Variants in ASTN1 observed in about 807,000 individuals in gnomAD.
ASTN1 encodes astrotactin 1.
Under a neutral mutation model 140.7 loss-of-function variants are expected in ASTN1, and 41 were observed. That is an observed-to-expected ratio of 0.29 (90% CI 0.23 to 0.38). The LOEUF (loss-of-function observed/expected upper bound fraction) is 0.38, where lower values mean the gene tolerates loss of function less well. Ranked by LOEUF, ASTN1 falls within the 10% of genes least tolerant of loss-of-function variation. The probability of loss-of-function intolerance (pLI) is 1.00; values close to 1 mark genes in which losing one functional copy is unlikely to be tolerated. For missense variants in ASTN1, 1,479 were observed against 1,678.8 expected (o/e 0.88, Z 2.08); for synonymous variants, 640 against 652.2 (o/e 0.98, Z 0.29).
intron 8 of ASTN1, among the ~76,000 whole-genome samples, chr1:176,982,315 C>T (rs1301813983): frequency 1.3e-5 from 2 of 152,248 alleles, no homozygotes; most frequent in East Asian, 1.9e-4. Context: ...CTATGCAAAC[C>T]GAGGGGCCGG....
At chr1:176,989,370 A>G (rs1674052969) in intron 8 of ASTN1, among the ~76,000 whole-genome samples, 1 of 152,230 alleles carries the variant, frequency 6.6e-6, no homozygotes, top group South Asian at 2.1e-4. Flanking sequence ...TAACCTCTGC[A>G]AGGAGATATT....
At chr1:176,970,760 G>GTA (rs1673111364) in intron 8 of ASTN1, among the ~76,000 whole-genome samples, 1 of 151,398 alleles carries the variant, frequency 6.6e-6, no homozygotes, top group Non-Finnish European at 1.5e-5. Flanking sequence ...GTGTGTGTGT[G>GTA]TATTCTCTTT....
intron 1 of ASTN1, among the ~76,000 whole-genome samples, chr1:177,090,996 G>A (rs1374934988): frequency 6.6e-6 from 1 of 152,118 alleles, no homozygotes; most frequent in Non-Finnish European, 1.5e-5. Flanking sequence ...ACATGCATAT[G>A]TGAGTCTGGT....
chr1:177,080,594 G>A (rs534113981), intron 1 of ASTN1, among the ~76,000 whole-genome samples: 9 of 152,252 alleles, frequency 5.9e-5, no homozygotes, highest in East Asian at 3.9e-4. Context: ...TCAAAATCAC[G>A]CCATGAAACA....
intron 2 of ASTN1, among the ~76,000 whole-genome samples, chr1:177,045,985 T>G (rs959786600): frequency 1.3e-5 from 2 of 152,190 alleles, no homozygotes; most frequent in African/African-American, 4.8e-5. Context: ...AATTTTGCAT[T>G]TATATTTCTG....
intron 1 of ASTN1, among the ~76,000 whole-genome samples, chr1:177,159,144 C>A (rs1180637344): frequency 1.3e-5 from 2 of 150,832 alleles, no homozygotes; most frequent in East Asian, 3.9e-4. Flanking sequence ...GTCATATCAA[C>A]ATATCTAAAA....
chr1:177,107,804 T>C (rs1185896444), intron 1 of ASTN1, among the ~76,000 whole-genome samples: 1 of 152,174 alleles, frequency 6.6e-6, no homozygotes, highest in African/African-American at 2.4e-5. Flanking sequence ...AAACTCAATA[T>C]ATTCAATTGG....
downstream of ASTN1, chr1:176,857,480 C>T (rs755668552): frequency 1.1e-4 from 44 of 416,368 alleles, no homozygotes; most frequent in South Asian, 1.4e-3. Flanking sequence ...AACATCAGGG[C>T]GCAGCTCCTG....
chr1:176,867,980 T>G (rs1331018859), intron 22 of ASTN1, among the ~76,000 whole-genome samples: 2 of 152,072 alleles, frequency 1.3e-5, no homozygotes, highest in African/African-American at 4.8e-5. Context: ...CCTTTTAAAT[T>G]TTTTCCTTCC....
chr1:177,070,080 G>T (rs1262456956), intron 1 of ASTN1, among the ~76,000 whole-genome samples: 1 of 152,178 alleles, frequency 6.6e-6, no homozygotes. Flanking sequence ...TGTATTTACA[G>T]ATCATTTCAT....
chr1:176,972,491 C>CT (rs1035721357), intron 8 of ASTN1, among the ~76,000 whole-genome samples: 3 of 151,912 alleles, frequency 2.0e-5, no homozygotes, highest in South Asian at 4.2e-4. Context: ...TGAACTACTA[C>CT]TTTTTTTTAA....
intron 1 of ASTN1, among the ~76,000 whole-genome samples, chr1:177,125,919 C>G (rs1681622421): frequency 6.6e-6 from 1 of 152,154 alleles, no homozygotes; most frequent in Non-Finnish European, 1.5e-5. Flanking sequence ...TCTTTCATTT[C>G]TCCCAAATTA....
At chr1:176,944,543 C>T (rs1003922711) in intron 13 of ASTN1, among the ~76,000 whole-genome samples, 6 of 152,194 alleles carry the variant, frequency 3.9e-5, no homozygotes, top group Admixed American at 6.5e-5. Flanking sequence ...AGATTATAGG[C>T]GTGAGCCACA....
chr1:177,069,740 A>C (rs1678544352), intron 1 of ASTN1, among the ~76,000 whole-genome samples: 1 of 152,154 alleles, frequency 6.6e-6, no homozygotes, highest in South Asian at 2.1e-4. Flanking sequence ...CATTCGAATG[A>C]CTTGTGATTT....
downstream of ASTN1, among the ~76,000 whole-genome samples, chr1:176,858,820 C>T (rs191308736): frequency 3.3e-5 from 5 of 152,192 alleles, no homozygotes; most frequent in South Asian, 2.1e-4. Context: ...CTCAGTGGGA[C>T]GAGTCTTTCC....
intron 2 of ASTN1, among the ~76,000 whole-genome samples, chr1:177,037,782 G>A (rs1023154555): frequency 6.6e-6 from 1 of 152,158 alleles, no homozygotes; most frequent in Non-Finnish European, 1.5e-5. Context: ...CTAGAAGTGT[G>A]TTTGGGGTAT....
chr1:177,141,902 G>T (rs1443171440), intron 1 of ASTN1, among the ~76,000 whole-genome samples: 4 of 152,174 alleles, frequency 2.6e-5, no homozygotes, highest in Non-Finnish European at 4.4e-5. Flanking sequence ...GGATGAAATA[G>T]CCCAACAGTT....
intron 12 of ASTN1, 96 bp downstream of exon 12, chr1:176,949,089 G>T: frequency 3.3e-6 from 5 of 1,514,380 alleles, no homozygotes; most frequent in Non-Finnish European, 4.5e-6. Context: ...ATGGCCTAGG[G>T]TGACCTATTC....
intron 1 of ASTN1, among the ~76,000 whole-genome samples, 153 bp downstream of exon 1, chr1:177,164,241 G>A (rs1438940672): frequency 1.3e-5 from 2 of 151,846 alleles, no homozygotes; most frequent in Non-Finnish European, 2.9e-5. Context: ...TATGCAAGTG[G>A]GTGTGGAGAA....
Sources: gnomAD v4.1 joint callset for allele counts (sites outside exome capture counted in the v4.1 genomes callset) on GRCh38, gnomAD v4.1.1 for gene constraint, MANE v1.5 for transcripts, NCBI Gene and HGNC (gene_info 2026-07-23, HGNC 2026-07-21) for gene names.